The following PLPPR1 variants were observed in gnomAD, a reference collection of about 807,000 sequenced individuals.
PLPPR1 encodes the protein phospholipid phosphatase related 1.
A neutral mutation model predicts 33.1 loss-of-function variants in PLPPR1; 10 were observed. The observed-to-expected ratio is 0.30, with a 90% CI of 0.19 to 0.51. The LOEUF (loss-of-function observed/expected upper bound fraction) is 0.51, where lower values mean the gene tolerates loss of function less well. Among genes scored for constraint, PLPPR1 ranks in the 20% least tolerant of loss-of-function variants. The pLI is 0.97. For missense variants in PLPPR1, 304 were observed against 408.1 expected, an observed-to-expected ratio of 0.74 and a Z score of 2.20; for synonymous variants, 151 against 151.0, an observed-to-expected ratio of 1.00 and a Z score of 0.00.
intron 2 of PLPPR1, among the ~76,000 whole-genome samples, chr9:101,266,416 GAAAGAAAGAAAT>G (rs1827999922): frequency 2.8e-5 from 3 of 105,396 alleles, no homozygotes; most frequent in East Asian, 2.8e-4. Flanking sequence ...AAGAAAGAAA[GAAAGAAAGAAAT>G]AAAGAAAAAG....
chr9:101,040,917 A>C (rs1830069794), intron 1 of PLPPR1, among the ~76,000 whole-genome samples: 1 of 152,208 alleles, frequency 6.6e-6, no homozygotes, highest in Non-Finnish European at 1.5e-5. Flanking sequence ...TAAATGAACA[A>C]AAGAAAAAAA....
intron 4 of PLPPR1, among the ~76,000 whole-genome samples, chr9:101,299,954 A>G (rs1264577230): frequency 6.6e-6 from 1 of 152,164 alleles, no homozygotes; most frequent in Non-Finnish European, 1.5e-5. Context: ...ACATTACAAA[A>G]GTTCCCTGGG....
intron 1 of PLPPR1, among the ~76,000 whole-genome samples, chr9:101,041,281 G>C (rs1463757239): frequency 6.6e-6 from 1 of 151,970 alleles, no homozygotes; most frequent in Non-Finnish European, 1.5e-5. Flanking sequence ...GTTAATGGAA[G>C]ATGGCCAGGT....
intron 2 of PLPPR1, among the ~76,000 whole-genome samples, chr9:101,246,342 G>T (rs1009559579): frequency 2.0e-5 from 3 of 151,808 alleles, no homozygotes; most frequent in Non-Finnish European, 4.4e-5. Context: ...AGAGGACAGG[G>T]ACAGACTGTG....
At chr9:101,229,981 A>G (rs891350226) in intron 2 of PLPPR1, among the ~76,000 whole-genome samples, 8 of 152,154 alleles carry the variant, frequency 5.3e-5, no homozygotes, top group African/African-American at 1.4e-4. Context: ...TCTCTTAATT[A>G]CTGTAATTTT....
chr9:101,123,854 G>A (rs777456720), intron 1 of PLPPR1, among the ~76,000 whole-genome samples: 16 of 152,050 alleles, frequency 1.1e-4, no homozygotes, highest in African/African-American at 2.7e-4. Flanking sequence ...ATTATAGTGC[G>A]TCAGGGTAGC....
At chr9:101,241,604 G>A (rs974819355) in intron 2 of PLPPR1, among the ~76,000 whole-genome samples, 10 of 152,148 alleles carry the variant, frequency 6.6e-5, no homozygotes, top group South Asian at 2.1e-4. Context: ...AGAATGTGGC[G>A]TTGGCTACCA....
At chr9:101,204,298 T>C (rs994957522) in intron 2 of PLPPR1, among the ~76,000 whole-genome samples, 8 of 152,146 alleles carry the variant, frequency 5.3e-5, no homozygotes, top group Non-Finnish European at 1.2e-4. Flanking sequence ...TGTCACACTA[T>C]GAATAAGGGA....
At chr9:101,111,925 C>T (rs1831062034) in intron 1 of PLPPR1, among the ~76,000 whole-genome samples, 1 of 152,146 alleles carries the variant, frequency 6.6e-6, no homozygotes, top group Admixed American at 6.5e-5. Context: ...TGTATTCGCT[C>T]AAATACCAAT....
At chr9:101,158,314 T>C (rs79833664) in intron 1 of PLPPR1, among the ~76,000 whole-genome samples, 248 of 152,132 alleles carry the variant, frequency 1.6e-3, no homozygotes, top group African/African-American at 5.8e-3. Context: ...GAGGGTTTCA[T>C]CACAGTGAGG....
chr9:101,200,892 G>C (rs1826480281), intron 2 of PLPPR1, among the ~76,000 whole-genome samples: 2 of 152,184 alleles, frequency 1.3e-5, no homozygotes, highest in African/African-American at 4.8e-5. Context: ...CATTTTCCCT[G>C]GAACTACATG....
intron 1 of PLPPR1, among the ~76,000 whole-genome samples, chr9:101,072,154 G>A (rs781630923): frequency 3.3e-5 from 5 of 152,054 alleles, no homozygotes; most frequent in Admixed American, 1.3e-4. Context: ...ACAGTCTAGC[G>A]TCAATACTGT....
At chr9:101,219,407 A>G (rs1040040221) in intron 2 of PLPPR1, among the ~76,000 whole-genome samples, 3 of 152,228 alleles carry the variant, frequency 2.0e-5, no homozygotes, top group Non-Finnish European at 4.4e-5. Context: ...ACAAAGGGCC[A>G]GATTATGATT....
intron 3 of PLPPR1, among the ~76,000 whole-genome samples, chr9:101,271,540 T>C (rs7023477): frequency 0.44 from 67,003 of 151,950 alleles, 15,312 homozygotes; most frequent in African/African-American, 0.58. Context: ...TCTCTGTATG[T>C]CTCTTACCAG....
At chr9:101,128,440 C>T (rs980323856) in intron 1 of PLPPR1, among the ~76,000 whole-genome samples, 1 of 152,168 alleles carries the variant, frequency 6.6e-6, no homozygotes, top group Non-Finnish European at 1.5e-5. Flanking sequence ...AAACTCTTGT[C>T]ATATTTGAAC....
chr9:101,147,702 A>T (rs994611376), intron 1 of PLPPR1, among the ~76,000 whole-genome samples: 4 of 152,050 alleles, frequency 2.6e-5, no homozygotes, highest in Admixed American at 1.3e-4. Flanking sequence ...GTGTGGGGGG[A>T]AGGGCCCCAG....
rs181701485 is a variant in PLPPR1 at position 101,033,546 on chromosome 9, T to C, written c.-46+4444T>C. 6.8e-4 allele frequency among the ~76,000 whole-genome samples: 103 copies of C among 151,828 alleles called. 2 individuals carry two copies. The highest frequency in any genetic ancestry group is 6.6e-5 in the Admixed American group (1 of 15,252). On this transcript the variant is annotated intron_variant, in intron 1 of 7. Transcript: ENST00000374874. ...TTCAGCATTTAGCAAAATATAGGGA[T>C]TAAGGAGAGAAATAAGCCCCAGGAA...
chr9:101,067,220 C>T (rs1408211480), intron 1 of PLPPR1, among the ~76,000 whole-genome samples: 1 of 114,282 alleles, frequency 8.8e-6, no homozygotes, highest in Non-Finnish European at 1.8e-5. Flanking sequence ...ATTTCTGTCT[C>T]AGTACAAGTC....
At chr9:101,275,344 ACT>A in intron 3 of PLPPR1, among the ~76,000 whole-genome samples, 1 of 152,092 alleles carries the variant, frequency 6.6e-6, no homozygotes, top group East Asian at 1.9e-4. Context: ...GAGGGGAAAG[ACT>A]CTGCTGTATA....
Sources: gnomAD v4.1 joint callset for allele counts (sites outside exome capture counted in the v4.1 genomes callset) on GRCh38, gnomAD v4.1.1 for gene constraint, MANE v1.5 for transcripts, NCBI Gene and HGNC (gene_info 2026-07-23, HGNC 2026-07-21) for gene names.